Variants in KDM6A observed in about 807,000 individuals in gnomAD.
KDM6A encodes lysine demethylase 6A, also known as lysine-specific demethylase 6A.
In KDM6A, 11 loss-of-function variants were observed where a neutral mutation model predicts 117.6. The observed-to-expected ratio is 0.09, with a 90% CI of 0.06 to 0.15. The LOEUF (loss-of-function observed/expected upper bound fraction) is 0.15, where lower values mean the gene tolerates loss of function less well. Among genes scored for constraint, KDM6A ranks in the 10% least tolerant of loss-of-function variants. The probability of loss-of-function intolerance (pLI) is 1.00; values close to 1 mark genes in which losing one functional copy is unlikely to be tolerated. For missense variants in KDM6A, 799 were observed against 1,077.3 expected (o/e 0.74, Z 3.62); for synonymous variants, 384 against 396.1 (o/e 0.97, Z 0.36).
At chrX:44,885,979 A>G (rs2032830701) in intron 2 of KDM6A, among the ~76,000 whole-genome samples, 1 of 111,408 alleles carries the variant, frequency 9.0e-6, no homozygotes, top group East Asian at 2.8e-4. Flanking sequence ...ATTCTGTTAG[A>G]TATTTTTATC....
chrX:45,027,945 C>T (rs1226665433), intron 6 of KDM6A, among the ~76,000 whole-genome samples: 1 of 110,341 alleles, frequency 9.1e-6, no homozygotes, highest in Non-Finnish European at 1.9e-5. Context: ...AGGTGCATGC[C>T]ACCACGCCCG....
intron 21 of KDM6A, 70 bp downstream of exon 21, chrX:45,079,421 C>T (rs755894299): frequency 4.5e-5 from 36 of 798,567 alleles, no homozygotes; most frequent in Non-Finnish European, 6.7e-5. Context: ...TTTGAAAGGA[C>T]ACATTACTTT....
At chrX:44,922,537 C>T (rs982315269) in intron 2 of KDM6A, among the ~76,000 whole-genome samples, 16 of 111,612 alleles carry the variant, frequency 1.4e-4, no homozygotes, top group Admixed American at 3.8e-4. Flanking sequence ...GGCGTGATCT[C>T]GGCTCACTGC....
intron 6 of KDM6A, among the ~76,000 whole-genome samples, chrX:45,032,582 T>A (rs1246445917): frequency 2.7e-5 from 3 of 111,621 alleles, no homozygotes; most frequent in African/African-American, 9.8e-5. Flanking sequence ...CATTCTCATT[T>A]TTTCTGCCAC....
At chrX:45,078,255 A>G in intron 19 of KDM6A, 145 bp from the exon 20 acceptor site, 1 of 520,235 alleles carries the variant, frequency 1.9e-6, no homozygotes. Flanking sequence ...CAAAAGTCAC[A>G]GTGATAAGAT....
Position 45,035,001 on chromosome X carries a change from T to C in KDM6A, c.619+16T>C, listed in dbSNP as rs1009865150. 5.4e-6 allele frequency: 6 copies of C among 1,117,003 alleles called. No individual in the cohort carries two copies. In the Admixed American group the frequency reaches 6.6e-5, roughly 12 times the overall value. 92.1% of individuals were successfully genotyped at this position (1,117,003 alleles called of 1,213,427 possible). ...AATGCTGAAAGTAAGTATTATTAAG[T>C]ACTGTAGTTTTCTACATGTATTCCG... On this transcript the variant is annotated intron_variant, in intron 7 of 29. Coordinates refer to ENST00000611820, the MANE Select transcript of KDM6A (RefSeq NM_001291415.2).
chrX:45,105,664 A>G (rs2046501898), intron 27 of KDM6A, among the ~76,000 whole-genome samples: 1 of 111,957 alleles, frequency 8.9e-6, no homozygotes, highest in Admixed American at 9.5e-5. Context: ...TTTACTTGCT[A>G]CCTTCCCTGG....
At chrX:44,885,346 C>T (rs749062064) in intron 2 of KDM6A, among the ~76,000 whole-genome samples, 3 of 110,135 alleles carry the variant, frequency 2.7e-5, no homozygotes, top group Non-Finnish European at 3.8e-5. Flanking sequence ...ATCTCAAATC[C>T]GTTTCCCTCC....
chrX:45,020,801 A>G, intron 6 of KDM6A, 71 bp downstream of exon 6: 3 of 1,093,430 alleles, frequency 2.7e-6, no homozygotes, highest in South Asian at 1.9e-5. Context: ...TTTCTTAAAT[A>G]TTAGAGCATT....
chrX:45,026,094 A>G (rs1393267295), intron 6 of KDM6A, among the ~76,000 whole-genome samples: 2 of 112,603 alleles, frequency 1.8e-5, no homozygotes, highest in African/African-American at 6.5e-5. Context: ...GCCTACTTAT[A>G]GAACAGGCTG....
intron 9 of KDM6A, among the ~76,000 whole-genome samples, chrX:45,053,365 G>T (rs907290865): frequency 1.8e-5 from 2 of 111,329 alleles, no homozygotes; most frequent in Non-Finnish European, 3.8e-5. Context: ...CTGGGAGGCG[G>T]AGGTTGCAGT....
At chrX:44,963,904 A>C (rs1041877246) in intron 3 of KDM6A, among the ~76,000 whole-genome samples, 1 of 109,003 alleles carries the variant, frequency 9.2e-6, no homozygotes, top group Non-Finnish European at 1.9e-5. Context: ...TTTTTAGTAG[A>C]GACAGGGTTT....
intron 27 of KDM6A, among the ~76,000 whole-genome samples, chrX:45,093,886 CT>C (rs963621887): frequency 3.6e-5 from 4 of 110,800 alleles, no homozygotes; most frequent in South Asian, 3.8e-4. Flanking sequence ...TTATACATTT[CT>C]TTTTTTTAAC....
intron 4 of KDM6A, among the ~76,000 whole-genome samples, chrX:44,987,274 A>G (rs747598763): frequency 1.3e-4 from 14 of 110,969 alleles, no homozygotes; most frequent in African/African-American, 4.6e-4. Flanking sequence ...ATCTTCCTCT[A>G]TTCCTTTATT....
At chrX:45,022,705 C>T (rs954488534) in intron 6 of KDM6A, among the ~76,000 whole-genome samples, 2 of 111,858 alleles carry the variant, frequency 1.8e-5, no homozygotes, top group African/African-American at 6.5e-5. Context: ...AATGTGGAAC[C>T]TCTGATGGCT....
At chrX:44,929,493 C>T (rs1486760627) in intron 2 of KDM6A, among the ~76,000 whole-genome samples, 3 of 111,680 alleles carry the variant, frequency 2.7e-5, no homozygotes, top group African/African-American at 9.8e-5. Flanking sequence ...ATAATTTATT[C>T]CCCTTTATTG....
chrX:45,087,132 A>G (rs2045674860), intron 25 of KDM6A, among the ~76,000 whole-genome samples: 1 of 112,529 alleles, frequency 8.9e-6, no homozygotes, highest in Non-Finnish European at 1.9e-5. Flanking sequence ...CTGGGATTAC[A>G]GGGGTGTGCC....
chrX:45,052,307 A>G (rs931781265), intron 9 of KDM6A, among the ~76,000 whole-genome samples: 6 of 112,093 alleles, frequency 5.4e-5, no homozygotes, highest in African/African-American at 1.9e-4. Flanking sequence ...AGAACTCCCC[A>G]GCCTTTAATT....
chrX:44,875,171 T>C (rs1433691298), intron 2 of KDM6A, among the ~76,000 whole-genome samples: 1 of 112,549 alleles, frequency 8.9e-6, no homozygotes, highest in East Asian at 2.8e-4. Flanking sequence ...GCTGAAATCA[T>C]AGCTTTGCAT....
Sources: gnomAD v4.1 joint callset for allele counts (sites outside exome capture counted in the v4.1 genomes callset) on GRCh38, gnomAD v4.1.1 for gene constraint, MANE v1.5 for transcripts, NCBI Gene and HGNC (gene_info 2026-07-23, HGNC 2026-07-21) for gene names.